Variants in PSD3 observed in about 807,000 individuals in gnomAD.
PSD3 encodes the protein pleckstrin and Sec7 domain containing 3, also known as PH and SEC7 domain-containing protein 3.
In PSD3, 49 loss-of-function variants were observed where a neutral mutation model predicts 105.5. The ratio of observed to expected loss-of-function variants is 0.46; its 90% CI spans 0.37 to 0.59. The LOEUF (loss-of-function observed/expected upper bound fraction) is 0.59. Among genes scored for constraint, PSD3 ranks in the 20% least tolerant of loss-of-function variants. The pLI is 0.00. For missense variants in PSD3, 1,561 were observed against 1,263.8 expected, an observed-to-expected ratio of 1.24 and a Z score of -3.57; for synonymous variants, 557 against 457.8, an observed-to-expected ratio of 1.22 and a Z score of -2.77.
intron 15 of PSD3, among the ~76,000 whole-genome samples, chr8:18,553,874 G>C (rs946933118): frequency 6.6e-6 from 1 of 152,108 alleles, no homozygotes; most frequent in Admixed American, 6.5e-5. Flanking sequence ...ACAGGTGAAG[G>C]AGCTTGACAG....
At chr8:19,082,782 T>G (rs567858833) in intron 1 of PSD3, among the ~76,000 whole-genome samples, 1 of 152,204 alleles carries the variant, frequency 6.6e-6, no homozygotes. Context: ...CATACAGAGA[T>G]GGGCTCTGAT....
upstream of PSD3, among the ~76,000 whole-genome samples, chr8:19,018,429 T>G (rs1388047099): frequency 6.6e-6 from 1 of 152,190 alleles, no homozygotes; most frequent in African/African-American, 2.4e-5. Context: ...TGATGTTACA[T>G]TTGTCAAAAC....
chr8:18,714,106 C>T (rs1802426362), intron 9 of PSD3, among the ~76,000 whole-genome samples: 1 of 152,126 alleles, frequency 6.6e-6, no homozygotes, highest in Non-Finnish European at 1.5e-5. Context: ...GTACCCCTTC[C>T]TTATACCTTA....
chr8:18,619,415 C>T (rs995603928), intron 11 of PSD3, among the ~76,000 whole-genome samples: 1 of 152,114 alleles, frequency 6.6e-6, no homozygotes, highest in Non-Finnish European at 1.5e-5. Flanking sequence ...GAGGCCGAGG[C>T]AAGTGCATCA....
intron 2 of PSD3, among the ~76,000 whole-genome samples, chr8:18,891,139 C>T (rs1818758805): frequency 6.6e-6 from 1 of 152,096 alleles, no homozygotes; most frequent in Non-Finnish European, 1.5e-5. Flanking sequence ...ACCTCCCTAC[C>T]AGGTAGATAT....
At chr8:18,867,497 A>G (rs1301589051) in intron 4 of PSD3, among the ~76,000 whole-genome samples, 177 bp downstream of exon 4, 1 of 152,190 alleles carries the variant, frequency 6.6e-6, no homozygotes, top group African/African-American at 2.4e-5. Flanking sequence ...CAATGTGACA[A>G]ACCACTAAGG....
At chr8:19,056,633 A>G (rs944155394) in intron 1 of PSD3, among the ~76,000 whole-genome samples, 19 of 152,216 alleles carry the variant, frequency 1.2e-4, no homozygotes, top group African/African-American at 4.3e-4. Context: ...TTCCATTATC[A>G]GTTTGGCTCC....
chr8:18,939,007 A>T (rs1430774403), intron 1 of PSD3, among the ~76,000 whole-genome samples: 1 of 135,420 alleles, frequency 7.4e-6, no homozygotes, highest in Non-Finnish European at 1.6e-5. Context: ...TGATGCCCCA[A>T]GGACTCACTA....
intron 2 of PSD3, among the ~76,000 whole-genome samples, chr8:18,892,019 T>C (rs1343948229): frequency 2.0e-5 from 3 of 152,130 alleles, no homozygotes; most frequent in Non-Finnish European, 4.4e-5. Flanking sequence ...AGACCAAAGT[T>C]TACAAAAGGG....
chr8:18,960,997 G>C (rs371252244), intron 1 of PSD3, among the ~76,000 whole-genome samples: 14 of 152,168 alleles, frequency 9.2e-5, no homozygotes, highest in African/African-American at 3.4e-4. Flanking sequence ...GAGGTGGGAG[G>C]ATCTACATGA....
At chr8:18,702,925 C>G (rs893898929) in intron 9 of PSD3, among the ~76,000 whole-genome samples, 5 of 152,050 alleles carry the variant, frequency 3.3e-5, no homozygotes, top group African/African-American at 1.2e-4. Context: ...TATAGGTACT[C>G]TTTATAAGAG....
chr8:18,783,862 T>C (rs1808873330), intron 8 of PSD3, among the ~76,000 whole-genome samples: 1 of 152,214 alleles, frequency 6.6e-6, no homozygotes, highest in Admixed American at 6.5e-5. Flanking sequence ...CTCGAACTCC[T>C]GACCTCAAAG....
intron 1 of PSD3, among the ~76,000 whole-genome samples, chr8:18,963,055 C>A (rs1824019782): frequency 6.6e-6 from 1 of 152,164 alleles, no homozygotes; most frequent in Non-Finnish European, 1.5e-5. Flanking sequence ...GTCTCAGAAT[C>A]ATGGTGGGAG....
In PSD3 at chr8:19,065,502, G is replaced by C. The variant is rs555557014; in HGVS notation, c.324+18704C>G. Among the ~76,000 whole-genome samples, 15 of 152,308 alleles carry C rather than the reference G, an allele frequency of 9.8e-5. 1 individual carries two copies. In the South Asian group the frequency reaches 3.1e-3, roughly 32 times the overall value. On this transcript the variant is annotated intron_variant, in intron 1 of 1. Coordinates refer to the PSD3 transcript ENST00000521475. ...GTCTGGGCCTCCAGAATTTCTGACA[G>C]ATCAGCTTGAAGTTAGGGTTCCCAT... is the stretch of plus-strand genomic sequence containing the variant.
intron 11 of PSD3, among the ~76,000 whole-genome samples, chr8:18,610,702 G>T (rs1805200586): frequency 6.6e-6 from 1 of 152,150 alleles, no homozygotes; most frequent in Admixed American, 6.6e-5. Context: ...AATAAGAAAT[G>T]AAAACAAAGA....
chr8:19,047,112 T>C (rs994731118), intron 1 of PSD3, among the ~76,000 whole-genome samples: 4 of 152,198 alleles, frequency 2.6e-5, no homozygotes, highest in African/African-American at 7.2e-5. Flanking sequence ...CACAGGGACA[T>C]AAATCTCTTT....
intron 2 of PSD3, among the ~76,000 whole-genome samples, chr8:18,915,932 C>A (rs1282431254): frequency 6.6e-6 from 1 of 151,942 alleles, no homozygotes; most frequent in African/African-American, 2.4e-5. Flanking sequence ...CCTGTCTCTA[C>A]TAAAAGTACA....
At chr8:18,878,110 CACTT>C (rs1293415319) in intron 2 of PSD3, among the ~76,000 whole-genome samples, 1 of 152,110 alleles carries the variant, frequency 6.6e-6, no homozygotes, top group Admixed American at 6.5e-5. Flanking sequence ...GCTGTCTTTT[CACTT>C]ACTTAATCTT....
intron 2 of PSD3, among the ~76,000 whole-genome samples, chr8:18,902,705 G>A (rs768208576): frequency 1.3e-5 from 2 of 152,152 alleles, no homozygotes; most frequent in Non-Finnish European, 2.9e-5. Flanking sequence ...TGTGCTGGTT[G>A]GAAAGAATGT....
Sources: gnomAD v4.1 joint callset for allele counts (sites outside exome capture counted in the v4.1 genomes callset) on GRCh38, gnomAD v4.1.1 for gene constraint, MANE v1.5 for transcripts, NCBI Gene and HGNC (gene_info 2026-07-23, HGNC 2026-07-21) for gene names.